The following MAML3 variants were observed in gnomAD, a reference collection of about 807,000 sequenced individuals.
The protein encoded by MAML3 is mastermind-like protein 3.
Under a neutral mutation model 101.9 loss-of-function variants are expected in MAML3, and 27 were observed. The observed-to-expected ratio is 0.27, with a 90% CI of 0.20 to 0.37. The LOEUF (loss-of-function observed/expected upper bound fraction) is 0.37, where lower values mean the gene tolerates loss of function less well. Ranked by LOEUF, MAML3 falls within the 10% of genes least tolerant of loss-of-function variation. The pLI is 1.00. For synonymous variants in MAML3, 501 were observed against 555.9 expected, an observed-to-expected ratio of 0.90 and a Z score of 1.39; for missense variants, 1,316 against 1,444.9, an observed-to-expected ratio of 0.91 and a Z score of 1.45.
chr4:139,922,222 T>G (rs1047304377), intron 1 of MAML3, among the ~76,000 whole-genome samples: 1 of 152,158 alleles, frequency 6.6e-6, no homozygotes, highest in Non-Finnish European at 1.5e-5. Context: ...TGCTTTTTAA[T>G]TCCAAGGGGT....
chr4:140,117,435 A>G (rs1024829656), intron 1 of MAML3, among the ~76,000 whole-genome samples: 10 of 152,218 alleles, frequency 6.6e-5, no homozygotes, highest in Non-Finnish European at 1.5e-4. Context: ...TAACTATATA[A>G]CTTTAAAAGT....
At chr4:139,941,090 A>G (rs1177185453) in intron 1 of MAML3, among the ~76,000 whole-genome samples, 1 of 152,214 alleles carries the variant, frequency 6.6e-6, no homozygotes, top group Non-Finnish European at 1.5e-5. Flanking sequence ...TAGGGTTTCA[A>G]TATGATGAGT....
rs139966542 is a variant in MAML3, at chr4:140,020,307, C to A, written c.469-129340G>T. On this transcript the variant is annotated intron_variant, in intron 1 of 4. Coordinates refer to ENST00000509479, the MANE Select transcript of MAML3 (RefSeq NM_018717.5). ...TTTTCTAGGTGGGGGTGGCAGAAGA[C>A]TTGGAGACAATTGAAAAGATGGAAG... Among the ~76,000 whole-genome samples, 443 of 152,140 alleles carry A rather than the reference C, an allele frequency of 2.9e-3. 4 individuals carry two copies. Among genetic ancestry groups the A allele is most frequent in the African/African-American group, 0.01 (418 of 41,512 alleles).
rs1728095814 is a variant in MAML3 at position 139,718,691 on chromosome 4, G to A, written c.*632C>T. On this transcript the variant is annotated 3_prime_UTR_variant, in exon 5 of 5. Transcript: ENST00000509479. Reference sequence around the variant, plus strand: ...CTTTGCAATTCCTGAGGGTCATCATGGGGCAGGAGACAGACAGTCCTGTAG... The same window carrying A: ...CTTTGCAATTCCTGAGGGTCATCATAGGGCAGGAGACAGACAGTCCTGTAG... 6.6e-6 allele frequency: 1 copy of A among 152,348 alleles called. No homozygotes were observed. The highest frequency in any genetic ancestry group is 6.5e-5 in the Admixed American group (1 of 15,282). 9.4% of individuals were successfully genotyped at this position (152,348 alleles called of 1,614,324 possible). A position where few individuals can be genotyped will look rare whatever the true frequency, so the allele number is the denominator to read the frequency against.
chr4:140,054,060 A>T (rs1221986996), intron 1 of MAML3, among the ~76,000 whole-genome samples: 1 of 152,166 alleles, frequency 6.6e-6, no homozygotes, highest in Non-Finnish European at 1.5e-5. Context: ...GACATATATT[A>T]CTTTTATGTT....
intron 1 of MAML3, among the ~76,000 whole-genome samples, chr4:139,954,576 T>C (rs1733885059): frequency 6.6e-6 from 1 of 152,208 alleles, no homozygotes; most frequent in African/African-American, 2.4e-5. Flanking sequence ...GTCCAGAGGC[T>C]GGAGCCAAGG....
At chr4:139,860,218 C>T (rs1560816578) in intron 2 of MAML3, among the ~76,000 whole-genome samples, 1 of 152,250 alleles carries the variant, frequency 6.6e-6, no homozygotes, top group Non-Finnish European at 1.5e-5. Context: ...CATGCGGATC[C>T]TGCGTTCACC....
At position 140,139,386 on chromosome 4, in the gene MAML3, G is replaced by C. The variant is rs546168806; in HGVS notation, c.468+13474C>G. On this transcript the variant is annotated intron_variant, in intron 1 of 4. Transcript: ENST00000509479. ...AAACGGTCTGAAACACTCACTTTTT[G>C]AGTTATATTAAAAACAAAAATCCAG... Among the ~76,000 whole-genome samples, 6 of 151,610 alleles carry C rather than the reference G, an allele frequency of 4.0e-5. 1 individual carries two copies. In the South Asian group the frequency reaches 1.3e-3, roughly 32 times the overall value.
chr4:139,959,413 C>T (rs1371911632), intron 1 of MAML3, among the ~76,000 whole-genome samples: 1 of 152,146 alleles, frequency 6.6e-6, no homozygotes, highest in East Asian at 1.9e-4. Context: ...CACTTTAGTT[C>T]TTAAAATGCC....
intron 2 of MAML3, among the ~76,000 whole-genome samples, chr4:139,864,106 C>G (rs142690618): frequency 6.6e-6 from 1 of 152,142 alleles, no homozygotes; most frequent in Non-Finnish European, 1.5e-5. Context: ...AATGACATCA[C>G]TATTGTAGCA....
At position 139,730,456 on chromosome 4, in the gene MAML3, TGCC is replaced by T. The variant is rs1728657121; in HGVS notation, c.2288_2290del (p.Arg763_Gln764delinsLys). 1 of 1,533,844 alleles carries T rather than the reference TGCC, an allele frequency of 6.5e-7. No individual in the cohort carries two copies. The highest frequency in any genetic ancestry group is 1.2e-5 in the South Asian group (1 of 83,460). On this transcript the variant is annotated inframe_deletion, in exon 3 of 5. Transcript: ENST00000509479. The stretch of plus-strand genomic sequence containing the variant: ...CTGCTGCTGCTGCTGCTGCTGCTGC[TGCC>T]TTTGCTCCCGCAGGAACTGTTGCTT...
chr4:139,795,254 AT>A (rs1226503446), intron 2 of MAML3, among the ~76,000 whole-genome samples: 1 of 152,246 alleles, frequency 6.6e-6, no homozygotes, highest in Non-Finnish European at 1.5e-5. Flanking sequence ...TTTCACAGAC[AT>A]TTTATTGAAG....
intron 1 of MAML3, among the ~76,000 whole-genome samples, chr4:139,898,551 A>G (rs1732656393): frequency 6.6e-6 from 1 of 152,238 alleles, no homozygotes; most frequent in African/African-American, 2.4e-5. Flanking sequence ...CTCTTCAACC[A>G]AAAGTGTGAG....
At chr4:139,881,176 C>T (rs144059326) in intron 2 of MAML3, among the ~76,000 whole-genome samples, 16 of 152,202 alleles carry the variant, frequency 1.1e-4, no homozygotes, top group African/African-American at 3.4e-4. Context: ...AATTAAGAAT[C>T]GGACCAGATA....
Position 139,890,708 on chromosome 4 carries a change from A to T in MAML3, c.728T>A (p.Leu243Gln). 6.2e-7 allele frequency: 1 copy of T among 1,614,014 alleles called. No individual in the cohort carries two copies. The highest frequency in any genetic ancestry group is 8.5e-7 in the Non-Finnish European group (1 of 1,179,894). ...GTHTPGLLEDLSKNGRLPEIK... is the reference protein window; with the variant it reads ...GTHTPGLLEDQSKNGRLPEIK... The stretch of plus-strand genomic sequence containing the variant: ...CTCAGGGAGCCTACCATTCTTACTT[A>T]GATCTTCTAGAAGCCCAGGAGTGTG... The change falls in exon 2 of 5, where the codon CTA becomes CAA. Residue 243 changes from leucine to glutamine, a missense_variant. Coordinates refer to ENST00000509479, the MANE Select transcript of MAML3 (RefSeq NM_018717.5). This position sits in a 1 kb window ranked among gnomAD's most constrained non-coding sequence, Gnocchi z 4.1.
intron 2 of MAML3, among the ~76,000 whole-genome samples, chr4:139,813,506 C>T (rs1041409985): frequency 3.3e-5 from 5 of 152,186 alleles, no homozygotes; most frequent in Non-Finnish European, 7.3e-5. Flanking sequence ...GCATGAAGCG[C>T]TTCAAAATTC....
chr4:139,852,135 C>T (rs1482351694), intron 2 of MAML3, among the ~76,000 whole-genome samples: 1 of 152,166 alleles, frequency 6.6e-6, no homozygotes, highest in African/African-American at 2.4e-5. Flanking sequence ...AATTATTGAA[C>T]ACTTGTTCTC....
intron 1 of MAML3, among the ~76,000 whole-genome samples, chr4:140,069,360 GAGAAGA>G (rs1343566107): frequency 3.4e-3 from 116 of 33,802 alleles, no homozygotes; most frequent in African/African-American, 6.6e-3. Flanking sequence ...GAAGGAGAAG[GAGAAGA>G]AGAAGAAGAA....
intron 1 of MAML3, among the ~76,000 whole-genome samples, chr4:139,932,816 T>C (rs149033366): frequency 4.6e-5 from 7 of 152,228 alleles, no homozygotes; most frequent in African/African-American, 1.4e-4. Flanking sequence ...ATCTCTCGTA[T>C]CTCCATTTTA....
Sources: gnomAD v4.1 joint callset for allele counts (sites outside exome capture counted in the v4.1 genomes callset) on GRCh38, gnomAD v4.1.1 for gene constraint, Gnocchi (gnomAD v3.1) non-coding constraint, MANE v1.5 for transcripts, NCBI Gene and HGNC (gene_info 2026-07-23, HGNC 2026-07-21) for gene names.